Variants in VPS41 observed in about 807,000 individuals in gnomAD.
VPS41 encodes VPS41 subunit of HOPS complex, also known as vacuolar protein sorting-associated protein 41 homolog.
A neutral mutation model predicts 130.9 loss-of-function variants in VPS41; 85 were observed. That is an observed-to-expected ratio of 0.65 (90% confidence interval 0.55 to 0.78). VPS41 has a LOEUF of 0.78. VPS41 is among the 30% of genes least tolerant of loss of function. The pLI, the probability that VPS41 is intolerant of heterozygous loss-of-function variation, is 0.00. For missense variants in VPS41, 874 were observed against 1,018.7 expected (o/e 0.86, Z 1.93); for synonymous variants, 335 against 332.9 (o/e 1.01, Z -0.07).
chr7:38,906,989 A>G (rs1787281983), intron 1 of VPS41, among the ~76,000 whole-genome samples: 1 of 152,096 alleles, frequency 6.6e-6, no homozygotes. Flanking sequence ...GTAACAAGCA[A>G]TATTCTAGGT....
chr7:38,768,924 TAGCCCCAGCTAC>T (rs1398525083), intron 14 of VPS41, among the ~76,000 whole-genome samples: 10 of 152,192 alleles, frequency 6.6e-5, no homozygotes, highest in Non-Finnish European at 1.3e-4. Flanking sequence ...CAGGATGCCA[TAGCCCCAGCTAC>T]AGCCTCAGCT....
In VPS41 at chr7:38,782,845, G is replaced by A. The variant is rs1007760125; in HGVS notation, c.785-6069C>T. Among the ~76,000 whole-genome samples, 14 of 152,326 alleles carry A rather than the reference G, an allele frequency of 9.2e-5. No homozygotes were observed. In the East Asian group the frequency reaches 1.5e-3, roughly 17 times the overall value. ...ATGAAGAGTGACTGAGGCTGGGTGC[G>A]GTGGCTCACGCCTTTAATCACAGCA... On this transcript the variant is annotated intron_variant, in intron 10 of 28. Transcript: ENST00000310301.
intron 17 of VPS41, 49 bp downstream of exon 17, chr7:38,763,406 A>G: frequency 7.6e-7 from 1 of 1,310,264 alleles, no homozygotes; most frequent in Non-Finnish European, 1.1e-6. Flanking sequence ...AGATTTCCTA[A>G]CACCTCCCAT....
chr7:38,727,675 A>T (rs1795574687), intron 27 of VPS41, among the ~76,000 whole-genome samples: 1 of 152,230 alleles, frequency 6.6e-6, no homozygotes. Context: ...TAATTCCTCT[A>T]GAAAAGAACC....
chr7:38,904,570 T>G (rs529224546), intron 1 of VPS41, among the ~76,000 whole-genome samples: 1 of 152,346 alleles, frequency 6.6e-6, no homozygotes, highest in South Asian at 2.1e-4. Flanking sequence ...CTCTGTCTTA[T>G]TTATACAACC....
intron 6 of VPS41, 47 bp from the exon 7 acceptor site, chr7:38,817,929 T>A: frequency 6.8e-7 from 1 of 1,471,790 alleles, no homozygotes; most frequent in Non-Finnish European, 9.5e-7. Flanking sequence ...TCATGGCCAA[T>A]GCACAGAATG....
Position 38,743,529 on chromosome 7 carries a change from A to G in VPS41, c.1995T>C (p.Asn665=). 6.2e-7 allele frequency: 1 copy of G among 1,613,804 alleles called. No individual in the cohort carries two copies. The highest frequency in any genetic ancestry group is 1.3e-5 in the African/African-American group (1 of 75,022). ...ETVYLLSRMG[N]SRSALKMIME... ...TAATCATCTTCAGGGCACTTCGGCTATTACCCATTCGGCCTTGGTGGGGTG... is the reference window on the plus strand; with the variant it reads ...TAATCATCTTCAGGGCACTTCGGCTGTTACCCATTCGGCCTTGGTGGGGTG... Residue 665 remains asparagine, a synonymous_variant, in exon 24 of 29, where the codon AAT becomes AAC. Coordinates refer to ENST00000310301, the MANE Select transcript of VPS41 (RefSeq NM_014396.4).
At chr7:38,879,744 G>A (rs1786562854) in intron 2 of VPS41, among the ~76,000 whole-genome samples, 1 of 152,142 alleles carries the variant, frequency 6.6e-6, no homozygotes, top group Non-Finnish European at 1.5e-5. Flanking sequence ...TAATGCTGTG[G>A]CTGATCTAAC....
intron 11 of VPS41, among the ~76,000 whole-genome samples, chr7:38,775,930 A>C (rs1784250673): frequency 1.3e-5 from 2 of 152,124 alleles, no homozygotes; most frequent in African/African-American, 4.8e-5. Context: ...TCCAAAAGAA[A>C]ATCCTTTACA....
intron 10 of VPS41, among the ~76,000 whole-genome samples, chr7:38,788,104 C>A (rs898740927): frequency 6.6e-6 from 1 of 152,124 alleles, no homozygotes; most frequent in African/African-American, 2.4e-5. Flanking sequence ...TACTGTGTGC[C>A]AAGTACCATG....
At chr7:38,755,063 T>C in intron 19 of VPS41, 127 bp from the exon 20 acceptor site, 1 of 773,562 alleles carries the variant, frequency 1.3e-6, no homozygotes, top group Non-Finnish European at 2.1e-6. Context: ...AAGGAGGCCC[T>C]TGGCTTTACA....
intron 1 of VPS41, among the ~76,000 whole-genome samples, chr7:38,903,494 C>A (rs28437188): frequency 0.015 from 2,243 of 152,226 alleles, 27 homozygotes; most frequent in Non-Finnish European, 0.022. Flanking sequence ...TGCAGGAGGG[C>A]TCACCTGGGT....
At chr7:38,847,238 A>G (rs1785745759) in intron 4 of VPS41, among the ~76,000 whole-genome samples, 1 of 152,168 alleles carries the variant, frequency 6.6e-6, no homozygotes, top group South Asian at 2.1e-4. Flanking sequence ...AACTATTTTA[A>G]ATGATAATTT....
intron 1 of VPS41, 133 bp downstream of exon 1, chr7:38,909,021 C>G: frequency 8.9e-7 from 1 of 1,125,984 alleles, no homozygotes; most frequent in Non-Finnish European, 1.3e-6. Context: ...GCCATCCCAC[C>G]CCGCCCTGCC....
chr7:38,772,409 G>A, intron 13 of VPS41, 113 bp downstream of exon 13: 1 of 667,418 alleles, frequency 1.5e-6, no homozygotes, highest in Non-Finnish European at 2.4e-6. Context: ...ACATATTTTT[G>A]GCTTGGGAAA....
At chr7:38,887,269 T>C in intron 2 of VPS41, among the ~76,000 whole-genome samples, 1 of 152,120 alleles carries the variant, frequency 6.6e-6, no homozygotes, top group Admixed American at 6.5e-5. Flanking sequence ...ACGAGGAAGC[T>C]AAAAACCTTG....
chr7:38,832,732 A>G (rs918456689), intron 4 of VPS41, among the ~76,000 whole-genome samples: 1 of 152,142 alleles, frequency 6.6e-6, no homozygotes, highest in Admixed American at 6.5e-5. Flanking sequence ...ACCTAATTGG[A>G]GCACGTAGCA....
At chr7:38,761,465 A>G (rs1212296571) in intron 17 of VPS41, among the ~76,000 whole-genome samples, 3 of 144,256 alleles carry the variant, frequency 2.1e-5, no homozygotes, top group African/African-American at 7.7e-5. Flanking sequence ...TTTTTTTTTT[A>G]GTAGAGACGG....
chr7:38,881,976 T>C (rs73359633), intron 2 of VPS41, among the ~76,000 whole-genome samples: 2,519 of 152,198 alleles, frequency 0.017, 69 homozygotes, highest in African/African-American at 0.056. Context: ...CAAACACACA[T>C]TATCTTCTTT....
Sources: allele counts gnomAD v4.1 joint callset (sites outside exome capture counted in the v4.1 genomes callset), GRCh38; gene constraint gnomAD v4.1.1; transcripts MANE v1.5; gene names NCBI Gene and HGNC (gene_info 2026-07-23, HGNC 2026-07-21).